Variants in ARHGAP15 observed in about 807,000 individuals in gnomAD.
The protein encoded by ARHGAP15 is rho GTPase-activating protein 15.
Under a neutral mutation model 63.7 loss-of-function variants are expected in ARHGAP15, and 51 were observed. That is an observed-to-expected ratio of 0.80 (90% CI 0.64 to 1.01). The LOEUF (loss-of-function observed/expected upper bound fraction) is 1.01, where lower values mean the gene tolerates loss of function less well. Ranked by LOEUF, ARHGAP15 falls within the 50% of genes least tolerant of loss-of-function variation. The pLI is 0.00. For synonymous variants in ARHGAP15, 191 were observed against 193.8 expected (o/e 0.99, Z 0.12); for missense variants, 560 against 564.6 (o/e 0.99, Z 0.08).
At chr2:143,510,018 TAAAAA>T (rs35469918) in intron 9 of ARHGAP15, among the ~76,000 whole-genome samples, 38 of 48,820 alleles carry the variant, frequency 7.8e-4, no homozygotes, top group African/African-American at 2.7e-3. Context: ...GACTCCCTCT[TAAAAA>T]AAAAAAAAAA....
chr2:143,555,077 A>G (rs1695731626), intron 10 of ARHGAP15, among the ~76,000 whole-genome samples: 1 of 152,144 alleles, frequency 6.6e-6, no homozygotes, highest in South Asian at 2.1e-4. Flanking sequence ...AAGTAACCCT[A>G]AAGTTTATTA....
chr2:143,171,412 C>A (rs773953656), intron 2 of ARHGAP15, among the ~76,000 whole-genome samples: 1 of 152,028 alleles, frequency 6.6e-6, no homozygotes, highest in Non-Finnish European at 1.5e-5. Flanking sequence ...GGAAACAACA[C>A]GGCAGGAAGA....
intron 6 of ARHGAP15, among the ~76,000 whole-genome samples, chr2:143,366,885 C>G (rs1038792795): frequency 6.6e-6 from 1 of 151,966 alleles, no homozygotes; most frequent in African/African-American, 2.4e-5. Context: ...CTGGGTATTT[C>G]TCTGTCTGTG....
intron 8 of ARHGAP15, among the ~76,000 whole-genome samples, chr2:143,470,292 GAAAA>G (rs527918583): frequency 7.9e-6 from 1 of 126,748 alleles, no homozygotes. Context: ...CAAGGTTTTG[GAAAA>G]AAAAAAAAAA....
At position 143,589,662 on chromosome 2, in the gene ARHGAP15, T is replaced by A. The variant is rs117720133; in HGVS notation, c.1003+33177T>A. On this transcript the variant is annotated intron_variant, in intron 11 of 13. Transcript: ENST00000295095. ...AGGTCTAGGGTAGGCTTCTTGAGTCTGCAGCTACTCTCTTTTCAACAAACA... is the reference window on the plus strand; with the variant it reads ...AGGTCTAGGGTAGGCTTCTTGAGTCAGCAGCTACTCTCTTTTCAACAAACA... 5.3e-4 allele frequency among the ~76,000 whole-genome samples: 81 copies of A among 152,266 alleles called. 1 individual carries two copies. The East Asian group carries it at 6.2e-3, about 12-fold the overall frequency.
At chr2:143,164,227 C>T (rs1034656639) in intron 2 of ARHGAP15, among the ~76,000 whole-genome samples, 2 of 152,038 alleles carry the variant, frequency 1.3e-5, no homozygotes, top group Non-Finnish European at 2.9e-5. Flanking sequence ...GCCTTTGAAT[C>T]CCCATGTTCC....
At chr2:143,764,270 C>G (rs1686876143) in intron 13 of ARHGAP15, among the ~76,000 whole-genome samples, 2 of 152,106 alleles carry the variant, frequency 1.3e-5, no homozygotes, top group African/African-American at 4.8e-5. Context: ...CCACGGTGGC[C>G]CAGTGGCTGA....
At chr2:143,288,580 A>T (rs770457668) in intron 6 of ARHGAP15, among the ~76,000 whole-genome samples, 2 of 151,662 alleles carry the variant, frequency 1.3e-5, no homozygotes, top group Non-Finnish European at 2.9e-5. Context: ...TTCATCCACA[A>T]GAAAAATATT....
intron 11 of ARHGAP15, among the ~76,000 whole-genome samples, chr2:143,610,540 A>G (rs1698210515): frequency 6.6e-6 from 1 of 152,190 alleles, no homozygotes; most frequent in Admixed American, 6.5e-5. Context: ...CCACTGAACC[A>G]AGTCATTTAG....
At chr2:143,646,075 G>C (rs1680861227) in intron 12 of ARHGAP15, among the ~76,000 whole-genome samples, 1 of 152,036 alleles carries the variant, frequency 6.6e-6, no homozygotes, top group Admixed American at 6.6e-5. Flanking sequence ...GAAACAGTAA[G>C]ATGAGCAGGG....
chr2:143,631,291 T>C (rs1420300094), intron 12 of ARHGAP15, among the ~76,000 whole-genome samples: 4 of 152,152 alleles, frequency 2.6e-5, no homozygotes, highest in Non-Finnish European at 5.9e-5. Context: ...TGAACATTTA[T>C]ATACAAATTT....
rs77037068 is a variant in ARHGAP15 at position 143,747,963 on chromosome 2, T to C, written c.1245-20026T>C. Among the ~76,000 whole-genome samples the C allele has an allele frequency of 3.3e-3, 502 of 152,364 alleles. 4 individuals carry two copies. The highest frequency in any genetic ancestry group is 5.4e-3 in the Non-Finnish European group (364 of 68,036). On this transcript the variant is annotated intron_variant, in intron 13 of 13. Coordinates refer to ENST00000295095, the MANE Select transcript of ARHGAP15 (RefSeq NM_018460.4). ...GATTTTTTGGAACACAATACTAAAC[T>C]ATCATTTGTGTTCTTAAACTTGAAT...
intron 12 of ARHGAP15, among the ~76,000 whole-genome samples, chr2:143,683,523 T>C (rs1487334609): frequency 6.6e-6 from 1 of 152,176 alleles, no homozygotes; most frequent in African/African-American, 2.4e-5. Flanking sequence ...AGTTCTTTAA[T>C]ATGCTGCATT....
chr2:143,555,925 T>TAGAATAGAATAGAAC (rs1428740193), intron 10 of ARHGAP15, among the ~76,000 whole-genome samples: 5 of 124,466 alleles, frequency 4.0e-5, no homozygotes, highest in Non-Finnish European at 1.7e-5. Context: ...TAGAATAGAA[T>TAGAATAGAATAGAAC]AGAACAGAGT....
intron 8 of ARHGAP15, among the ~76,000 whole-genome samples, chr2:143,476,978 G>A (rs766090847): frequency 5.9e-5 from 9 of 152,190 alleles, no homozygotes; most frequent in Non-Finnish European, 8.8e-5. Context: ...CCAATCAATA[G>A]TGGTTTAGTC....
At chr2:143,468,049 A>G (rs1206112206) in intron 8 of ARHGAP15, among the ~76,000 whole-genome samples, 1 of 152,132 alleles carries the variant, frequency 6.6e-6, no homozygotes, top group Non-Finnish European at 1.5e-5. Context: ...GCTGGAAAAC[A>G]TGAAGTTTAC....
intron 6 of ARHGAP15, among the ~76,000 whole-genome samples, chr2:143,378,292 C>A (rs145746164): frequency 9.9e-5 from 15 of 151,952 alleles, no homozygotes; most frequent in African/African-American, 2.9e-4. Flanking sequence ...TCTGGAGATA[C>A]GAAACAGTTT....
At chr2:143,724,821 A>G (rs944394956) in intron 13 of ARHGAP15, among the ~76,000 whole-genome samples, 1 of 152,360 alleles carries the variant, frequency 6.6e-6, no homozygotes. Context: ...TAAAATTCAC[A>G]ACGATCAGCA....
At chr2:143,524,797 A>G (rs1289394637) in intron 10 of ARHGAP15, among the ~76,000 whole-genome samples, 1 of 152,248 alleles carries the variant, frequency 6.6e-6, no homozygotes, top group Non-Finnish European at 1.5e-5. Flanking sequence ...AAAACTTGGC[A>G]TGTAAATAAA....
Sources: allele counts gnomAD v4.1 joint callset (sites outside exome capture counted in the v4.1 genomes callset), GRCh38; gene constraint gnomAD v4.1.1; transcripts MANE v1.5; gene names NCBI Gene and HGNC (gene_info 2026-07-23, HGNC 2026-07-21).